The following GRIP2 variants were observed in gnomAD, a reference collection of about 807,000 sequenced individuals.
GRIP2 encodes glutamate receptor interacting protein 2, also known as glutamate receptor-interacting protein 2.
GRIP2 carries 58 observed loss-of-function variants against 108.3 expected under a neutral mutation model. The ratio of observed to expected loss-of-function variants is 0.54; its 90% CI spans 0.43 to 0.67. The LOEUF (loss-of-function observed/expected upper bound fraction) is 0.67, where lower values mean the gene tolerates loss of function less well. Ranked by LOEUF, GRIP2 falls within the 30% of genes least tolerant of loss-of-function variation. The pLI is 0.00. For missense variants in GRIP2, 1,278 were observed against 1,430.6 expected (o/e 0.89, Z 1.72); for synonymous variants, 586 against 598.2 (o/e 0.98, Z 0.30).
intron 9 of GRIP2, among the ~76,000 whole-genome samples, chr3:14,519,150 C>G (rs936068839): frequency 6.6e-6 from 1 of 152,194 alleles, no homozygotes; most frequent in Non-Finnish European, 1.5e-5. Flanking sequence ...CTGTTTCAAG[C>G]CCTAATGTCA....
the GRIP2 span, among the ~76,000 whole-genome samples, chr3:14,568,287 A>C: frequency 6.6e-6 from 1 of 152,200 alleles, no homozygotes; most frequent in Non-Finnish European, 1.5e-5. Flanking sequence ...AGGCCACTGC[A>C]ACCATGCAAC....
chr3:14,560,453 GAGA>G (rs1695301209), upstream of GRIP2, among the ~76,000 whole-genome samples: 1 of 152,084 alleles, frequency 6.6e-6, no homozygotes, highest in African/African-American at 2.4e-5. Flanking sequence ...TCAGCTCCAG[GAGA>G]GCCTTGACCC....
chr3:14,594,433 C>A, the GRIP2 span, among the ~76,000 whole-genome samples: 2 of 152,090 alleles, frequency 1.3e-5, no homozygotes, highest in African/African-American at 4.8e-5. Flanking sequence ...TGGGAGCAGG[C>A]GTGACTCCCA....
chr3:14,584,613 G>T, the GRIP2 span, among the ~76,000 whole-genome samples: 8 of 152,194 alleles, frequency 5.3e-5, no homozygotes, highest in Non-Finnish European at 1.0e-4. Context: ...CTGGGACCGC[G>T]GACTATGGGC....
Position 14,513,724 on chromosome 3 carries a change from A to T in GRIP2, c.1580T>A (p.Leu527His). 6.2e-7 allele frequency: 1 copy of T among 1,610,996 alleles called. No individual in the cohort carries two copies. Among genetic ancestry groups the T allele is most frequent in the Non-Finnish European group, 8.5e-7 (1 of 1,178,778 alleles). ...GTGGGCCAGTGCGGCGTCCCGCAGGAGCTGGTTGGCTTCCTCCATAGTCCC... is the reference window on the plus strand; with the variant it reads ...GTGGGCCAGTGCGGCGTCCCGCAGGTGCTGGTTGGCTTCCTCCATAGTCCC... ...EDGTMEEANQ[L>H]LRDAALAHKV... Residue 527 changes from leucine (L) to histidine (H), a missense_variant, in exon 13 of 24, where the codon CTC (leucine) becomes CAC (histidine). Leu to His is a moderately conservative substitution (Grantham distance 99). Coordinates refer to ENST00000621039, the MANE Select transcript of GRIP2 (RefSeq NM_001080423.4).
chr3:14,503,912 A>G, intron 20 of GRIP2: 3 of 546,936 alleles, frequency 5.5e-6, no homozygotes, highest in South Asian at 2.1e-5. Flanking sequence ...CAGTTAGAAC[A>G]GGGGCAGATG....
chr3:14,517,547 G>T (rs535869096), intron 10 of GRIP2, among the ~76,000 whole-genome samples: 1 of 135,164 alleles, frequency 7.4e-6, no homozygotes, highest in South Asian at 2.4e-4. Context: ...TGTCACCCAG[G>T]CTGAAGTGCG....
At chr3:14,566,039 C>A in the GRIP2 span, among the ~76,000 whole-genome samples, 2 of 152,226 alleles carry the variant, frequency 1.3e-5, no homozygotes, top group African/African-American at 2.4e-5. Flanking sequence ...AAGGGAGGAG[C>A]GCATCCCAGA....
In GRIP2 at chr3:14,507,570, G is replaced by T; in HGVS notation, c.2209C>A (p.Gln737Lys). 1 of 1,613,640 alleles carries T rather than the reference G, an allele frequency of 6.2e-7. No homozygotes were observed. Among genetic ancestry groups the T allele is most frequent in the Non-Finnish European group, 8.5e-7 (1 of 1,179,532 alleles). Residue 737 changes from glutamine (Q) to lysine (K), a missense_variant, in exon 18 of 24, where the codon CAA becomes AAA. By Grantham distance (53) the Gln-to-Lys change is moderately conservative. Coordinates refer to ENST00000621039, the MANE Select transcript of GRIP2 (RefSeq NM_001080423.4). This position sits in a 1 kb window ranked among gnomAD's most constrained non-coding sequence, Gnocchi z 4.6. ...GETVTLKIKK[Q>K]LDRPLLPRKS... ...ATGAAGCGAATCTCACGGTCTAGTT[G>T]CTTCTTGATCTTCAGTGTGACGGTC...
At chr3:14,552,550 C>G (rs1401856450) in intron 1 of GRIP2, among the ~76,000 whole-genome samples, 2 of 152,158 alleles carry the variant, frequency 1.3e-5, no homozygotes, top group African/African-American at 4.8e-5. Flanking sequence ...TGCCTGGGTC[C>G]CACCCAAGAC....
rs115147244 is a variant in GRIP2, at chr3:14,491,700, G to A, written c.*1965C>T. ...GGAGTCAATGCAGTTTTCCCAAGCC[G>A]AGAGGCCCTGAGAGTGTGTCCTGTC... On this transcript the variant is annotated 3_prime_UTR_variant, in exon 24 of 24. Coordinates refer to ENST00000621039, the MANE Select transcript of GRIP2 (RefSeq NM_001080423.4). 4.9e-3 allele frequency: 742 copies of A among 152,512 alleles called. 5 individuals are homozygous for A. Among genetic ancestry groups the A allele is most frequent in the Non-Finnish European group, 8.7e-3 (592 of 68,162 alleles). 9.4% of individuals were successfully genotyped at this position (152,512 alleles called of 1,614,324 possible).
At chr3:14,523,929 A>G in intron 4 of GRIP2, 1 of 553,990 alleles carries the variant, frequency 1.8e-6, no homozygotes, top group Non-Finnish European at 3.2e-6. Flanking sequence ...GCTCACAGAG[A>G]CGACGGCAGA....
At chr3:14,530,028 T>C (rs4685184) in intron 1 of GRIP2, among the ~76,000 whole-genome samples, 62,829 of 152,066 alleles carry the variant, frequency 0.41, 14,186 homozygotes, top group South Asian at 0.61. Flanking sequence ...CTCAAAGATT[T>C]CAGAACCATG....
intron 1 of GRIP2, among the ~76,000 whole-genome samples, chr3:14,536,554 G>A (rs944156214): frequency 3.9e-5 from 6 of 152,218 alleles, no homozygotes; most frequent in Non-Finnish European, 7.3e-5. Context: ...CAGGACCCAT[G>A]GCATCACCTG....
At chr3:14,520,619 T>A in intron 7 of GRIP2, 82 bp from the exon 8 acceptor site, 1 of 1,459,894 alleles carries the variant, frequency 6.8e-7, no homozygotes, top group Non-Finnish European at 9.5e-7. Flanking sequence ...CCTGATTTAA[T>A]CCTTGCTGCC....
In GRIP2 at chr3:14,521,912, A is replaced by T; in HGVS notation, c.567-125T>A. On this transcript the variant is annotated intron_variant, in intron 6 of 23. Transcript: ENST00000621039. The surrounding 1 kb of genome is among the most constrained non-coding windows in gnomAD (Gnocchi z 5.1). Reference sequence around the variant, plus strand: ...AGGGAATGGGTGGGGGAGGAAGGGGAGGAGGGGACGGGTGAAGGGGCGCAT... The same window carrying T: ...AGGGAATGGGTGGGGGAGGAAGGGGTGGAGGGGACGGGTGAAGGGGCGCAT... 2.1e-4 allele frequency: 112 copies of T among 527,912 alleles called. No homozygotes were observed. Among genetic ancestry groups the T allele is most frequent in the East Asian group, 7.4e-4 (14 of 18,840 alleles). 32.7% of individuals were successfully genotyped at this position (527,912 alleles called of 1,614,324 possible).
At chr3:14,582,509 T>C in the GRIP2 span, among the ~76,000 whole-genome samples, 1 of 152,166 alleles carries the variant, frequency 6.6e-6, no homozygotes, top group Non-Finnish European at 1.5e-5. Flanking sequence ...ATTCCTAGAT[T>C]ACAGGAAGGA....
In GRIP2 at chr3:14,492,748, ATGACC is replaced by A. The variant is rs1288890347; in HGVS notation, c.*912_*916del. 5 of 152,222 alleles carry A rather than the reference ATGACC, an allele frequency of 3.3e-5. No individual in the cohort carries two copies. Among genetic ancestry groups the A allele is most frequent in the Non-Finnish European group, 7.3e-5 (5 of 68,070 alleles). The allele number at this position is 152,222 out of a possible 1,614,324, so 9.4% of individuals were successfully genotyped here. A position where few individuals can be genotyped will look rare whatever the true frequency, so the allele number is the denominator to read the frequency against. ...AAGCTCCAGGGTCTTTTGCCCCAAA[ATGACC>A]CCTCCCACATGGAGGGGCTTGGGCT... On this transcript the variant is annotated 3_prime_UTR_variant, in exon 24 of 24. Transcript: ENST00000621039.
rs146509076 is a variant in GRIP2, at chr3:14,517,494, C to CTTTTTTTTTTTTTTTTT, written c.1156+261_1156+277dup. 2.8e-5 allele frequency among the ~76,000 whole-genome samples: 3 copies of CTTTTTTTTTTTTTTTTT among 107,754 alleles called. 1 individual carries two copies. Among genetic ancestry groups the CTTTTTTTTTTTTTTTTT allele is most frequent in the Non-Finnish European group, 3.6e-5 (2 of 55,730 alleles). The allele number at this position is 107,754 out of a possible 152,430, so 70.7% of individuals were successfully genotyped here. A position where few individuals can be genotyped will look rare whatever the true frequency, so the allele number is the denominator to read the frequency against. Reference sequence around the variant, plus strand: ...GAGGCAGGCCACCTAATCTCTCTCTCTTTTTTTTTTTTTTTTTTTTTTTTT... The same window carrying CTTTTTTTTTTTTTTTTT: ...GAGGCAGGCCACCTAATCTCTCTCTCTTTTTTTTTTTTTTTTTTTTTTTTTTTTTTTTTTTTTTTTTT... On this transcript the variant is annotated intron_variant, in intron 10 of 23. Transcript: ENST00000621039.
Sources: gnomAD v4.1 joint callset for allele counts (sites outside exome capture counted in the v4.1 genomes callset) on GRCh38, gnomAD v4.1.1 for gene constraint, Gnocchi (gnomAD v3.1) non-coding constraint, MANE v1.5 for transcripts, NCBI Gene and HGNC (gene_info 2026-07-23, HGNC 2026-07-21) for gene names.